Variants in NEDD4L observed in about 807,000 individuals in gnomAD.
NEDD4L encodes E3 ubiquitin-protein ligase NEDD4-like.
In NEDD4L, 54 loss-of-function variants were observed where a neutral mutation model predicts 148.9. The observed-to-expected ratio is 0.36, with a 90% CI of 0.29 to 0.45. NEDD4L has a LOEUF of 0.45. NEDD4L is among the 20% of genes least tolerant of loss of function. NEDD4L has a pLI of 1.00. For missense variants in NEDD4L, 856 were observed against 1,233.8 expected, an observed-to-expected ratio of 0.69 and a Z score of 4.59; for synonymous variants, 433 against 440.7, an observed-to-expected ratio of 0.98 and a Z score of 0.22.
In NEDD4L at chr18:58,256,590, T is replaced by C. The variant is rs553034764; in HGVS notation, c.297+4536T>C. ...CGAGCTGGCAGGATGGCTCCTGAAA[T>C]CCGCAGGACGAACTCCGCGGAGAGG... On this transcript the variant is annotated intron_variant, in intron 5 of 30. Coordinates refer to ENST00000400345, the MANE Select transcript of NEDD4L (RefSeq NM_001144967.3). This position sits in a 1 kb window ranked among gnomAD's most constrained non-coding sequence, Gnocchi z 5.2. 5.7e-6 allele frequency: 7 copies of C among 1,231,944 alleles called. No individual in the cohort carries two copies. Among genetic ancestry groups the C allele is most frequent in the Non-Finnish European group, 6.1e-6 (6 of 988,022 alleles). The allele number at this position is 1,231,944 out of a possible 1,614,324, so 76.3% of individuals were successfully genotyped here.
chr18:58,097,074 A>G (rs1309873167), intron 1 of NEDD4L, among the ~76,000 whole-genome samples: 4 of 152,216 alleles, frequency 2.6e-5, no homozygotes, highest in Non-Finnish European at 5.9e-5. Flanking sequence ...GCAAGAGGCA[A>G]ACCATTTGGA....
intron 5 of NEDD4L, among the ~76,000 whole-genome samples, chr18:58,259,627 A>C (rs902409521): frequency 6.6e-6 from 1 of 152,182 alleles, no homozygotes; most frequent in African/African-American, 2.4e-5. Context: ...CTCAAGGTCT[A>C]CTGTGTATAT....
At chr18:58,277,876 C>T (rs73961548) in intron 5 of NEDD4L, among the ~76,000 whole-genome samples, 175 of 152,128 alleles carry the variant, frequency 1.2e-3, no homozygotes, top group African/African-American at 4.0e-3. Context: ...AATATCATAA[C>T]AGGTTGGACT....
At chr18:58,275,871 G>A (rs28651872) in intron 5 of NEDD4L, among the ~76,000 whole-genome samples, 27,365 of 151,932 alleles carry the variant, frequency 0.18, 2,577 homozygotes, top group Non-Finnish European at 0.18. Context: ...GAAAGTAGGG[G>A]GAGCATTGAA....
chr18:58,070,915 G>A (rs563615155), intron 1 of NEDD4L, among the ~76,000 whole-genome samples: 1 of 152,194 alleles, frequency 6.6e-6, no homozygotes, highest in South Asian at 2.1e-4. Context: ...AACAAACCCT[G>A]GGATGGGGGA....
chr18:58,152,899 C>G (rs1049916681), intron 1 of NEDD4L, among the ~76,000 whole-genome samples: 5 of 152,170 alleles, frequency 3.3e-5, no homozygotes, highest in Non-Finnish European at 7.3e-5. Context: ...TACCTAGTAC[C>G]TGCAAGTACC....
intron 1 of NEDD4L, among the ~76,000 whole-genome samples, chr18:58,069,138 A>C (rs867046289): frequency 4.8e-4 from 61 of 127,706 alleles, no homozygotes; most frequent in African/African-American, 2.5e-3. Flanking sequence ...TCTGTCTCCA[A>C]AAAAAAAAAA....
At chr18:58,057,718 G>A (rs1443266915) in intron 1 of NEDD4L, among the ~76,000 whole-genome samples, 1 of 152,152 alleles carries the variant, frequency 6.6e-6, no homozygotes, top group Non-Finnish European at 1.5e-5. Flanking sequence ...GCTGGTAATG[G>A]CAGCCAGTGA....
rs1366259943 is a variant in NEDD4L at position 58,380,576 on chromosome 18, A to C, written c.2353-2670A>C. ...CGTGATCTGCCCACCTCGGCCTCCCAAATTTTTTTTATTATACTTTAAGTT... is the reference window on the plus strand; with the variant it reads ...CGTGATCTGCCCACCTCGGCCTCCCCAATTTTTTTTATTATACTTTAAGTT... On this transcript the variant is annotated intron_variant, in intron 24 of 30. Coordinates refer to ENST00000400345, the MANE Select transcript of NEDD4L (RefSeq NM_001144967.3). 3.9e-5 allele frequency among the ~76,000 whole-genome samples: 6 copies of C among 152,064 alleles called. No homozygotes were observed. In the East Asian group the frequency reaches 1.2e-3, roughly 29 times the overall value.
Position 58,396,333 on chromosome 18 carries a change from T to C in NEDD4L, c.*64T>C. 1 of 1,153,904 alleles carries C rather than the reference T, an allele frequency of 8.7e-7. No individual in the cohort carries two copies. Among genetic ancestry groups the C allele is most frequent in the East Asian group, 2.5e-5 (1 of 40,156 alleles). The allele number at this position is 1,153,904 out of a possible 1,614,324, so 71.5% of individuals were successfully genotyped here. ...TTCTGCTTGCACTTTTGCATTTGCC[T>C]AACAGACTTTTGCAGAGGCGATGGC... On this transcript the variant is annotated 3_prime_UTR_variant, in exon 31 of 31. Coordinates refer to ENST00000400345, the MANE Select transcript of NEDD4L (RefSeq NM_001144967.3).
At chr18:58,149,339 T>A (rs2034429103) in intron 1 of NEDD4L, 10 of 1,351,604 alleles carry the variant, frequency 7.4e-6, no homozygotes, top group Non-Finnish European at 9.5e-6. Flanking sequence ...GGAAGCCATT[T>A]CCAGAGAGGA....
chr18:58,208,799 T>C (rs1347651421), intron 2 of NEDD4L, among the ~76,000 whole-genome samples: 1 of 152,190 alleles, frequency 6.6e-6, no homozygotes, highest in Non-Finnish European at 1.5e-5. Context: ...GAGCTGTATA[T>C]CAAGCTGTGC....
At chr18:58,318,342 G>A (rs1480851824) in intron 6 of NEDD4L, among the ~76,000 whole-genome samples, 2 of 152,236 alleles carry the variant, frequency 1.3e-5, no homozygotes, top group Non-Finnish European at 1.5e-5. Flanking sequence ...GATCGCTTGA[G>A]TCCAGGAGTT....
At chr18:58,312,200 G>C (rs2057779941) in intron 5 of NEDD4L, among the ~76,000 whole-genome samples, 1 of 152,152 alleles carries the variant, frequency 6.6e-6, no homozygotes, top group African/African-American at 2.4e-5. Flanking sequence ...CATTAGAAGG[G>C]AACATCTATT....
At chr18:58,101,514 T>G (rs1248647305) in intron 1 of NEDD4L, among the ~76,000 whole-genome samples, 1 of 152,166 alleles carries the variant, frequency 6.6e-6, no homozygotes, top group African/African-American at 2.4e-5. Context: ...GGCTGAGGTT[T>G]CCAATAAGTA....
At chr18:58,255,395 G>C (rs1301107271) in intron 5 of NEDD4L, 1 of 677,588 alleles carries the variant, frequency 1.5e-6, no homozygotes, top group Admixed American at 4.5e-5. Context: ...GCGCGGTCAT[G>C]TGGTTCTGGC....
chr18:58,060,062 G>GCCACTTAC (rs2082258745), intron 1 of NEDD4L, among the ~76,000 whole-genome samples: 1 of 149,760 alleles, frequency 6.7e-6, no homozygotes, highest in Non-Finnish European at 1.5e-5. Flanking sequence ...TGAACAAGCA[G>GCCACTTAC]TCCGGTTGTA....
chr18:58,225,962 A>G (rs1004201940), intron 2 of NEDD4L, among the ~76,000 whole-genome samples: 1 of 152,172 alleles, frequency 6.6e-6, no homozygotes, highest in Non-Finnish European at 1.5e-5. Context: ...CAGTGTGTCT[A>G]CTTGCAGTTA....
intron 5 of NEDD4L, among the ~76,000 whole-genome samples, chr18:58,265,505 C>T (rs1334709751): frequency 6.6e-6 from 1 of 152,018 alleles, no homozygotes; most frequent in African/African-American, 2.4e-5. Flanking sequence ...ATTATTGTCA[C>T]TTTCATTATA....
Sources: allele counts gnomAD v4.1 joint callset (sites outside exome capture counted in the v4.1 genomes callset), GRCh38; gene constraint gnomAD v4.1.1; non-coding constraint Gnocchi (gnomAD v3.1); transcripts MANE v1.5; gene names NCBI Gene and HGNC (gene_info 2026-07-23, HGNC 2026-07-21).